SRRM5: variants seen among roughly 807,000 people sequenced by gnomAD.
SRRM5 encodes the protein serine/arginine repetitive matrix protein 5.
In SRRM5, 1 loss-of-function variant was observed where a neutral mutation model predicts 1.3. The observed-to-expected ratio is 0.76, with a 90% CI of 0.27 to 3.59. SRRM5 has a LOEUF of 3.59. Ranked by LOEUF, SRRM5 falls within the 30% of genes most tolerant of loss-of-function variation. The probability of loss-of-function intolerance (pLI) is 0.19; values close to 1 mark genes in which losing one functional copy is unlikely to be tolerated. For missense variants in SRRM5, 875 were observed against 914.5 expected (o/e 0.96, Z 0.56); for synonymous variants, 275 against 320.2 (o/e 0.86, Z 1.51).
rs1973316077 is a variant in SRRM5 at position 43,612,784 on chromosome 19, C to T, written c.663C>T (p.Thr221=). The change falls in exon 1 of 1, where the codon ACC becomes ACT. Residue 221 remains threonine (T), a synonymous_variant. Transcript: ENST00000417606. The surrounding 1 kb of genome is among the most constrained non-coding windows in gnomAD (Gnocchi z 4.2). ...AVTPSTAKCQ[T]PTGIPSKEKS... is the part of the protein sequence containing the mutation. ...CTCCCAGTACAGCCAAGTGTCAAAC[C>T]CCGACTGGAATTCCCTCCAAGGAGA... The T allele has an allele frequency of 6.4e-7, 1 of 1,551,588 alleles. No individual in the cohort carries two copies. Among genetic ancestry groups the T allele is most frequent in the Non-Finnish European group, 8.7e-7 (1 of 1,146,952 alleles).
In SRRM5 at chr19:43,613,735, C is replaced by T. The variant is rs1973337283; in HGVS notation, c.1614C>T (p.Ser538=). The change falls in exon 1 of 1, where the codon AGC becomes AGT. Residue 538 remains serine (S), a synonymous_variant. Transcript: ENST00000417606. ...AGAGACAGCGCAGACAATCTAGAAG[C>T]CCCAACAAGGAGAGAGATCGCAGCC... The part of the protein sequence containing the change: ...SKERQRRQSR[S]PNKERDRSQS... 3.2e-6 allele frequency: 5 copies of T among 1,550,734 alleles called. No homozygotes were observed. The East Asian group carries it at 9.8e-5, about 30-fold the overall frequency.
chr19:43,612,940 C>A lies in SRRM5; in HGVS notation c.819C>A (p.Ser273Arg). Residue 273 changes from serine (S) to arginine (R), a missense_variant, in exon 1 of 1, where the codon AGC becomes AGA. Coordinates refer to ENST00000417606, the MANE Select transcript of SRRM5 (RefSeq NM_001145641.2). The surrounding 1 kb of genome is among the most constrained non-coding windows in gnomAD (Gnocchi z 4.2). Reference protein sequence around the residue: ...SSRVKSYNQASTRSRPQSHSQ... With the variant: ...SSRVKSYNQARTRSRPQSHSQ... ...GGGTCAAGAGTTATAACCAGGCCAG[C>A]ACCCGCAGCAGGCCGCAAAGTCACA... is the stretch of plus-strand genomic sequence containing the variant. 1.3e-6 allele frequency: 2 copies of A among 1,551,678 alleles called. No individual in the cohort carries two copies. Among genetic ancestry groups the A allele is most frequent in the Non-Finnish European group, 1.7e-6 (2 of 1,146,974 alleles).
Position 43,612,865 on chromosome 19 carries a change from G to T in SRRM5, c.744G>T (p.Met248Ile). ...SSRKVKSYGQ[M>I]IIPSREKSYS... ...GGAAGGTGAAGAGCTACGGTCAGAT[G>T]ATCATCCCCAGTAGGGAAAAGAGTT... The change falls in exon 1 of 1, where the codon ATG becomes ATT. Residue 248 changes from methionine (M) to isoleucine (I), a missense_variant. Transcript: ENST00000417606. This position sits in a 1 kb window ranked among gnomAD's most constrained non-coding sequence, Gnocchi z 4.2. 3 of 1,551,678 alleles carry T rather than the reference G, an allele frequency of 1.9e-6. No individual in the cohort carries two copies. Among genetic ancestry groups the T allele is most frequent in the Admixed American group, 2.0e-5 (1 of 50,998 alleles).
Position 43,614,396 on chromosome 19 carries a change from A to G in SRRM5, c.*127A>G, listed in dbSNP as rs1351492256. ...CTCCACAGCCACACCTCCGGCCACA[A>G]GTTCTCTAATACAGGATGTTGGCAG... On this transcript the variant is annotated 3_prime_UTR_variant, in exon 1 of 1. Transcript: ENST00000417606. 1.2e-5 allele frequency: 18 copies of G among 1,500,490 alleles called. No homozygotes were observed. Among genetic ancestry groups the G allele is most frequent in the Non-Finnish European group, 1.6e-5 (18 of 1,130,008 alleles). 92.9% of individuals were successfully genotyped at this position (1,500,490 alleles called of 1,614,324 possible).
rs1973314761 is a variant in SRRM5, at chr19:43,612,732, T to C, written c.611T>C (p.Ile204Thr). The C allele has an allele frequency of 6.4e-7, 1 of 1,551,522 alleles. No individual in the cohort carries two copies. The highest frequency in any genetic ancestry group is 1.7e-4 in the Middle Eastern group (1 of 5,992). Residue 204 changes from isoleucine to threonine, a missense_variant, in exon 1 of 1, where the codon ATA becomes ACA. Transcript: ENST00000417606. This position sits in a 1 kb window ranked among gnomAD's most constrained non-coding sequence, Gnocchi z 4.2. ...TACCGCCCACCAGGAGGCTCAGGTA[T>C]AGGGAGGAGTTCCGAGCTGGCTGTA... is the stretch of plus-strand genomic sequence containing the variant. ...KSYRPPGGSG[I>T]GRSSELAVTP...
At position 43,613,391 on chromosome 19, in the gene SRRM5, G is replaced by A. The variant is rs1308255558; in HGVS notation, c.1270G>A (p.Asp424Asn). 6.5e-7 allele frequency: 1 copy of A among 1,549,414 alleles called. No individual in the cohort carries two copies. Among genetic ancestry groups the A allele is most frequent in the Non-Finnish European group, 8.7e-7 (1 of 1,146,036 alleles). ...SRSRSPYKARDRSRSRSPNKA... is the reference protein window; with the variant it reads ...SRSRSPYKARNRSRSRSPNKA... The stretch of plus-strand genomic sequence containing the variant: ...ATCTAGAAGTCCCTACAAGGCGAGA[G>A]ATCGCAGCCGATCTAGAAGTCCCAA... The change falls in exon 1 of 1, where the codon GAT becomes AAT. Residue 424 changes from aspartate (D) to asparagine (N), a missense_variant. Physicochemically the swap from Asp to Asn is conservative, Grantham distance 23 (BLOSUM62 1). Transcript: ENST00000417606.
At position 43,612,986 on chromosome 19, in the gene SRRM5, A is replaced by C. The variant is rs1973319920; in HGVS notation, c.865A>C (p.Arg289=). 1 of 1,551,618 alleles carries C rather than the reference A, an allele frequency of 6.4e-7. No individual in the cohort carries two copies. The highest frequency in any genetic ancestry group is 1.4e-5 in the African/African-American group (1 of 73,058). The change falls in exon 1 of 1, where the codon AGG becomes CGG. Residue 289 remains arginine (R), a synonymous_variant. Transcript: ENST00000417606. The surrounding 1 kb of genome is among the most constrained non-coding windows in gnomAD (Gnocchi z 4.2). ...QSHSQSRSPR[R]SRSGSQKRTH... is the part of the protein sequence containing the mutation. ...TCACAGCCAATCTAGAAGCCCCAGAAGGTCAAGAAGTGGCAGTCAGAAGAG... is the reference window on the plus strand; with the variant it reads ...TCACAGCCAATCTAGAAGCCCCAGACGGTCAAGAAGTGGCAGTCAGAAGAG...
chr19:43,612,375 GCAGCAAAGCAAGAACACC>G lies in SRRM5; in HGVS notation c.260_277del (p.Lys87_Ser92del). 1 of 1,551,678 alleles carries G rather than the reference GCAGCAAAGCAAGAACACC, an allele frequency of 6.4e-7. No homozygotes were observed. Among genetic ancestry groups the G allele is most frequent in the Middle Eastern group, 1.7e-4 (1 of 5,992 alleles). ...CGGCCCAGCAGCAGGTCCCGAGTCC[GCAGCAAAGCAAGAACACC>G]CAGCAGGGTGAGCACCGACACCAGG... is the stretch of plus-strand genomic sequence containing the variant. On this transcript the variant is annotated inframe_deletion, in exon 1 of 1. Coordinates refer to ENST00000417606, the MANE Select transcript of SRRM5 (RefSeq NM_001145641.2). The surrounding 1 kb of genome is among the most constrained non-coding windows in gnomAD (Gnocchi z 4.2).
Position 43,613,898 on chromosome 19 carries a change from C to A in SRRM5, c.1777C>A (p.His593Asn). Residue 593 changes from histidine (H) to asparagine (N), a missense_variant, in exon 1 of 1, where the codon CAC becomes AAC. By Grantham distance (68) the His-to-Asn change is moderately conservative. Transcript: ENST00000417606. ...TAGAAGCTCCAGCGAGGAGAGAGAT[C>A]ACAGCCGATCTAGAAGCCCCAATAA... ...QSRSSSEERDHSRSRSPNKQS... is the reference protein window; with the variant it reads ...QSRSSSEERDNSRSRSPNKQS... The A allele has an allele frequency of 2.6e-6, 4 of 1,551,672 alleles. No homozygotes were observed.
In SRRM5 at chr19:43,612,588, G is replaced by A. The variant is rs758750677; in HGVS notation, c.467G>A (p.Ser156Asn). 1.9e-6 allele frequency: 3 copies of A among 1,551,638 alleles called. No individual in the cohort carries two copies. Among genetic ancestry groups the A allele is most frequent in the South Asian group, 1.2e-5 (1 of 84,056 alleles). Residue 156 changes from serine (S) to asparagine (N), a missense_variant, in exon 1 of 1, where the codon AGC becomes AAC. Coordinates refer to ENST00000417606, the MANE Select transcript of SRRM5 (RefSeq NM_001145641.2). This position sits in a 1 kb window ranked among gnomAD's most constrained non-coding sequence, Gnocchi z 4.2. ...CATGGTGCCAGACCAGGCATGGCCAGCAGGGTGAGAACTCCCACTTCACAG... is the reference window on the plus strand; with the variant it reads ...CATGGTGCCAGACCAGGCATGGCCAACAGGGTGAGAACTCCCACTTCACAG... ...RTHGARPGMA[S>N]RVRTPTSQQK... is the part of the protein sequence containing the mutation.
At position 43,613,506 on chromosome 19, in the gene SRRM5, G is replaced by C. The variant is rs10408803; in HGVS notation, c.1385G>C (p.Ser462Thr). 1,241 of 1,548,138 alleles carry C rather than the reference G, an allele frequency of 8.0e-4. 19 individuals are homozygous for C. In the African/African-American group the frequency reaches 0.014, roughly 18 times the overall value. The change falls in exon 1 of 1, where the codon AGC (serine) becomes ACC (threonine). Residue 462 changes from serine (S) to threonine (T), a missense_variant. Physicochemically the swap from Ser to Thr is moderately conservative, Grantham distance 58. Coordinates refer to ENST00000417606, the MANE Select transcript of SRRM5 (RefSeq NM_001145641.2). ...SRSPNKARDHSRSRSPNKARD... is the reference protein window; with the variant it reads ...SRSPNKARDHTRSRSPNKARD... ...AGTCCCAACAAGGCAAGAGATCATA[G>C]CCGATCTAGAAGTCCCAACAAGGCG...
Position 43,612,663 on chromosome 19 carries a change from G to A in SRRM5, c.542G>A (p.Arg181Lys), listed in dbSNP as rs1173267508. 2 of 1,551,470 alleles carry A rather than the reference G, an allele frequency of 1.3e-6. No homozygotes were observed. Among genetic ancestry groups the A allele is most frequent in the Admixed American group, 2.0e-5 (1 of 51,008 alleles). ...KSYGRPRTSN[R>K]ERSDSQPRNL... Reference sequence around the variant, plus strand: ...TACGGCCGGCCTAGAACCAGCAACAGGGAAAGGAGTGACAGCCAGCCTAGA... The same window carrying A: ...TACGGCCGGCCTAGAACCAGCAACAAGGAAAGGAGTGACAGCCAGCCTAGA... Residue 181 changes from arginine to lysine, a missense_variant, in exon 1 of 1, where the codon AGG becomes AAG. Transcript: ENST00000417606. The surrounding 1 kb of genome is among the most constrained non-coding windows in gnomAD (Gnocchi z 4.2).
chr19:43,612,241 C>G lies in SRRM5; in HGVS notation c.120C>G (p.Pro40=). ...ASLKSTKSAT[P]NRSLVPTKPA... ...TGAAGTCCACCAAATCAGCAACACCCAACAGATCCTTAGTGCCCACCAAAC... is the reference window on the plus strand; with the variant it reads ...TGAAGTCCACCAAATCAGCAACACCGAACAGATCCTTAGTGCCCACCAAAC... The change falls in exon 1 of 1, where the codon CCC becomes CCG. Residue 40 remains proline (P), a synonymous_variant. Transcript: ENST00000417606. This position sits in a 1 kb window ranked among gnomAD's most constrained non-coding sequence, Gnocchi z 4.2. 1 of 1,551,720 alleles carries G rather than the reference C, an allele frequency of 6.4e-7. No individual in the cohort carries two copies. Among genetic ancestry groups the G allele is most frequent in the Non-Finnish European group, 8.7e-7 (1 of 1,147,000 alleles).
At position 43,613,947 on chromosome 19, in the gene SRRM5, G is replaced by C. The variant is rs1422292971; in HGVS notation, c.1826G>C (p.Arg609Thr). 2 of 1,551,680 alleles carry C rather than the reference G, an allele frequency of 1.3e-6. No individual in the cohort carries two copies. The highest frequency in any genetic ancestry group is 1.7e-6 in the Non-Finnish European group (2 of 1,146,996). The change falls in exon 1 of 1, where the codon AGA becomes ACA. Residue 609 changes from arginine to threonine, a missense_variant. Coordinates refer to ENST00000417606, the MANE Select transcript of SRRM5 (RefSeq NM_001145641.2). ...PNKQSGYSRP[R>T]ASSKEKAHSR... Reference sequence around the variant, plus strand: ...AAGCAGAGTGGTTACAGTCGACCTAGAGCCTCCAGCAAGGAGAAAGCTCAT... The same window carrying C: ...AAGCAGAGTGGTTACAGTCGACCTACAGCCTCCAGCAAGGAGAAAGCTCAT...
At position 43,612,809 on chromosome 19, in the gene SRRM5, A is replaced by T; in HGVS notation, c.688A>T (p.Lys230Ter). 6.4e-7 allele frequency: 1 copy of T among 1,551,584 alleles called. No homozygotes were observed. The change falls in exon 3 of 3, where the codon AAG becomes TAG. Residue 230 changes from lysine to a stop codon, truncating the protein, a stop_gained. Transcript: ENST00000607544. LOFTEE classifies it low-confidence loss of function (END_TRUNC). This position sits in a 1 kb window ranked among gnomAD's most constrained non-coding sequence, Gnocchi z 4.2. ...CCCGACTGGAATTCCCTCCAAGGAG[A>T]AGAGTGACAACCCATCTCCATCCTC...
In SRRM5 at chr19:43,613,929, G is replaced by A; in HGVS notation, c.1808G>A (p.Ser603Asn). 2 of 1,551,674 alleles carry A rather than the reference G, an allele frequency of 1.3e-6. No homozygotes were observed. The highest frequency in any genetic ancestry group is 2.4e-5 in the South Asian group (2 of 84,058). ...HSRSRSPNKQ[S>N]GYSRPRASSK... is the part of the protein sequence containing the mutation. ...CGATCTAGAAGCCCCAATAAGCAGA[G>A]TGGTTACAGTCGACCTAGAGCCTCC... The change falls in exon 1 of 1, where the codon AGT becomes AAT. Residue 603 changes from serine to asparagine, a missense_variant. By Grantham distance (46) the Ser-to-Asn change is conservative. Coordinates refer to ENST00000417606, the MANE Select transcript of SRRM5 (RefSeq NM_001145641.2).
rs1161565658 is a variant in SRRM5 at position 43,612,573 on chromosome 19, G to A, written c.452G>A (p.Arg151Lys). ...TPGRIRTHGA[R>K]PGMASRVRTP... The stretch of plus-strand genomic sequence containing the variant: ...GGCAGGATAAGAACTCATGGTGCCA[G>A]ACCAGGCATGGCCAGCAGGGTGAGA... Residue 151 changes from arginine (R) to lysine (K), a missense_variant, in exon 1 of 1, where the codon AGA (arginine) becomes AAA (lysine). Transcript: ENST00000417606. This position sits in a 1 kb window ranked among gnomAD's most constrained non-coding sequence, Gnocchi z 4.2. 1 of 1,551,414 alleles carries A rather than the reference G, an allele frequency of 6.4e-7. No individual in the cohort carries two copies. Among genetic ancestry groups the A allele is most frequent in the Admixed American group, 2.0e-5 (1 of 50,982 alleles).
At position 43,612,417 on chromosome 19, in the gene SRRM5, G is replaced by A; in HGVS notation, c.296G>A (p.Arg99Lys). ...RTPSRVSTDT[R>K]TSKASKASDV... Reference sequence around the variant, plus strand: ...CCCAGCAGGGTGAGCACCGACACCAGGACCAGCAAAGCCAGCAAGGCCAGC... The same window carrying A: ...CCCAGCAGGGTGAGCACCGACACCAAGACCAGCAAAGCCAGCAAGGCCAGC... The change falls in exon 1 of 1, where the codon AGG becomes AAG. Residue 99 changes from arginine to lysine, a missense_variant. Physicochemically the swap from Arg to Lys is conservative, Grantham distance 26 (BLOSUM62 2). Coordinates refer to ENST00000417606, the MANE Select transcript of SRRM5 (RefSeq NM_001145641.2). This position sits in a 1 kb window ranked among gnomAD's most constrained non-coding sequence, Gnocchi z 4.2. 6.4e-7 allele frequency: 1 copy of A among 1,551,448 alleles called. No homozygotes were observed.
rs944398020 is a variant in SRRM5, at chr19:43,614,332, G to A, written c.*63G>A. ...CCGGGGGAGGGGACAGGAGACAGGA[G>A]CAGAGCAGCAGCTGAGCAGCGTCCC... On this transcript the variant is annotated 3_prime_UTR_variant, in exon 1 of 1. Coordinates refer to ENST00000417606, the MANE Select transcript of SRRM5 (RefSeq NM_001145641.2). The A allele has an allele frequency of 6.4e-7, 1 of 1,573,900 alleles. No individual in the cohort carries two copies. Among genetic ancestry groups the A allele is most frequent in the Non-Finnish European group, 8.6e-7 (1 of 1,161,560 alleles).
Sources: allele counts gnomAD v4.1 joint callset, GRCh38; gene constraint gnomAD v4.1.1; non-coding constraint Gnocchi (gnomAD v3.1); transcripts MANE v1.5; gene names NCBI Gene and HGNC (gene_info 2026-07-23, HGNC 2026-07-21).